Variants in BCKDHB observed in about 807,000 individuals in gnomAD.
BCKDHB encodes the protein 2-oxoisovalerate dehydrogenase subunit beta, mitochondrial.
Under a neutral mutation model 48.5 loss-of-function variants are expected in BCKDHB, and 41 were observed. The observed-to-expected ratio is 0.85, with a 90% CI of 0.66 to 1.10. BCKDHB has a LOEUF of 1.10. Among genes scored for constraint, BCKDHB ranks in the 50% least tolerant of loss-of-function variants. The pLI, the probability that BCKDHB is intolerant of heterozygous loss-of-function variation, is 0.00. For synonymous variants in BCKDHB, 201 were observed against 174.8 expected (o/e 1.15, Z -1.18); for missense variants, 496 against 494.2 (o/e 1.00, Z -0.03).
At chr6:80,331,853 C>T (rs1769328005) in intron 9 of BCKDHB, among the ~76,000 whole-genome samples, 1 of 152,090 alleles carries the variant, frequency 6.6e-6, no homozygotes, top group African/African-American at 2.4e-5. Flanking sequence ...AAGTGATTCA[C>T]TTGAGCTTAA....
intron 8 of BCKDHB, among the ~76,000 whole-genome samples, chr6:80,270,187 TTGAAC>T (rs1484849128): frequency 6.6e-6 from 1 of 152,140 alleles, no homozygotes; most frequent in Non-Finnish European, 1.5e-5. Context: ...CACAAAATGA[TTGAAC>T]TGTTTTCAGA....
chr6:80,281,719 C>G (rs976269863), intron 9 of BCKDHB, among the ~76,000 whole-genome samples: 7 of 152,174 alleles, frequency 4.6e-5, no homozygotes, highest in Non-Finnish European at 1.0e-4. Flanking sequence ...TGGCAGCCTG[C>G]CTGTCTTCTC....
intron 3 of BCKDHB, among the ~76,000 whole-genome samples, chr6:80,159,873 C>T (rs952108653): frequency 1.3e-5 from 2 of 152,190 alleles, no homozygotes; most frequent in Non-Finnish European, 2.9e-5. Context: ...AATCATTTTC[C>T]AGAAGGATAT....
At position 80,317,482 on chromosome 6, in the gene BCKDHB, C is replaced by A. The variant is rs139295636; in HGVS notation, c.1039-26182C>A. 9.8e-4 allele frequency among the ~76,000 whole-genome samples: 149 copies of A among 152,270 alleles called. 1 individual carries two copies. In the Middle Eastern group the frequency reaches 0.01, roughly 10 times the overall value. ...CTTCAAAGCCACAGAAATTGCATCT[C>A]GCGCATCTCGCTGACCCTTCTTCTA... is the stretch of plus-strand genomic sequence containing the variant. On this transcript the variant is annotated intron_variant, in intron 9 of 9. Coordinates refer to ENST00000320393, the MANE Select transcript of BCKDHB (RefSeq NM_183050.4).
chr6:80,133,183 C>T (rs1265867837), intron 3 of BCKDHB, among the ~76,000 whole-genome samples: 2 of 152,208 alleles, frequency 1.3e-5, no homozygotes, highest in African/African-American at 4.8e-5. Context: ...ATTGTGCCAG[C>T]ACTTGAACTG....
intron 6 of BCKDHB, among the ~76,000 whole-genome samples, chr6:80,173,507 A>G (rs902587186): frequency 1.3e-5 from 2 of 152,160 alleles, no homozygotes; most frequent in African/African-American, 4.8e-5. Context: ...CATCACTGCT[A>G]GCTTATTAGA....
intron 9 of BCKDHB, among the ~76,000 whole-genome samples, chr6:80,295,085 C>G (rs1435663964): frequency 6.6e-5 from 10 of 152,194 alleles, no homozygotes. Context: ...CCCCCAGCAG[C>G]CCAGCTGTAA....
At chr6:80,425,073 G>C in the BCKDHB span, among the ~76,000 whole-genome samples, 6 of 152,072 alleles carry the variant, frequency 3.9e-5, no homozygotes, top group Admixed American at 3.3e-4. Flanking sequence ...CTGAAGAAGT[G>C]GAACAGCTCA....
chr6:80,148,454 A>C (rs113603789), intron 3 of BCKDHB, among the ~76,000 whole-genome samples: 2 of 152,112 alleles, frequency 1.3e-5, no homozygotes, highest in South Asian at 4.1e-4. Context: ...TTAAGACGTC[A>C]GAGCTGTCAA....
the BCKDHB span, among the ~76,000 whole-genome samples, chr6:80,366,007 G>T: frequency 4.6e-5 from 7 of 152,192 alleles, no homozygotes; most frequent in Non-Finnish European, 7.3e-5. Flanking sequence ...ATCACTCAAA[G>T]ATGTCTTACA....
chr6:80,426,176 G>A, the BCKDHB span, among the ~76,000 whole-genome samples: 1 of 152,120 alleles, frequency 6.6e-6, no homozygotes, highest in African/African-American at 2.4e-5. Flanking sequence ...CCCTATGACC[G>A]AGGATGTTTT....
rs398124601 is a variant in BCKDHB, at chr6:80,106,772, CCTGGCGCGGGG to C, written c.93_103del (p.Ala32PhefsTer48). ...GGCTGAGGGGCACTGGCGTCGGCTT[CCTGGCGCGGGG>C]CTGGCGCGGGGCTTTTTGCACCCCG... On this transcript the variant is annotated frameshift_variant, in exon 1 of 10. Transcript: ENST00000320393. LOFTEE classifies it high-confidence loss of function. 1.3e-5 allele frequency: 20 copies of C among 1,589,124 alleles called. No homozygotes were observed. Among genetic ancestry groups the C allele is most frequent in the Admixed American group, 3.5e-5 (2 of 56,690 alleles).
chr6:80,315,151 T>G (rs1454556459), intron 9 of BCKDHB, among the ~76,000 whole-genome samples: 3 of 152,136 alleles, frequency 2.0e-5, no homozygotes, highest in Non-Finnish European at 2.9e-5. Flanking sequence ...CCTAGGGGTA[T>G]GTATGAACCT....
chr6:80,368,578 A>G, the BCKDHB span, among the ~76,000 whole-genome samples: 1 of 152,212 alleles, frequency 6.6e-6, no homozygotes, highest in Non-Finnish European at 1.5e-5. Context: ...AACCGTGATG[A>G]TATTAATAGT....
At chr6:80,113,066 ATTG>A (rs1247676312) in intron 1 of BCKDHB, among the ~76,000 whole-genome samples, 1 of 152,218 alleles carries the variant, frequency 6.6e-6, no homozygotes, top group African/African-American at 2.4e-5. Flanking sequence ...AAGAGACATC[ATTG>A]TTTGCCATTA....
chr6:80,191,666 T>C (rs1184323650), intron 6 of BCKDHB, among the ~76,000 whole-genome samples: 1 of 152,054 alleles, frequency 6.6e-6, no homozygotes, highest in East Asian at 1.9e-4. Context: ...TATGTGCCAA[T>C]ATAAAAATCA....
intron 8 of BCKDHB, among the ~76,000 whole-genome samples, chr6:80,216,102 C>T (rs1330020811): frequency 6.6e-6 from 1 of 152,154 alleles, no homozygotes; most frequent in African/African-American, 2.4e-5. Context: ...GTTAAAACTA[C>T]ATATGTTATG....
At chr6:80,317,094 G>A (rs533981499) in intron 9 of BCKDHB, among the ~76,000 whole-genome samples, 5 of 152,252 alleles carry the variant, frequency 3.3e-5, no homozygotes, top group South Asian at 2.1e-4. Context: ...AGATGTGGCC[G>A]TTCTCTCTGA....
At chr6:80,407,338 G>A in the BCKDHB span, among the ~76,000 whole-genome samples, 6 of 152,104 alleles carry the variant, frequency 3.9e-5, no homozygotes, top group African/African-American at 1.4e-4. Context: ...TTGCTATGCA[G>A]GCTCTTTTTT....
Sources: allele counts gnomAD v4.1 joint callset (sites outside exome capture counted in the v4.1 genomes callset), GRCh38; gene constraint gnomAD v4.1.1; transcripts MANE v1.5; gene names NCBI Gene and HGNC (gene_info 2026-07-23, HGNC 2026-07-21).